The following INPP5F variants were observed in gnomAD, a reference collection of about 807,000 sequenced individuals.
INPP5F encodes the protein phosphatidylinositide 4-phosphatase SAC2.
INPP5F carries 97 observed loss-of-function variants against 137.2 expected under a neutral mutation model. The observed-to-expected ratio is 0.71, with a 90% CI of 0.60 to 0.84. The LOEUF (loss-of-function observed/expected upper bound fraction) is 0.84, where lower values mean the gene tolerates loss of function less well. Ranked by LOEUF, INPP5F falls within the 40% of genes least tolerant of loss-of-function variation. The pLI, the probability that INPP5F is intolerant of heterozygous loss-of-function variation, is 0.00. For missense variants in INPP5F, 1,271 were observed against 1,371.9 expected (o/e 0.93, Z 1.16); for synonymous variants, 504 against 476.9 (o/e 1.06, Z -0.74).
chr10:119,751,551 G>A (rs1012024817), intron 2 of INPP5F, among the ~76,000 whole-genome samples: 3 of 152,146 alleles, frequency 2.0e-5, no homozygotes, highest in Non-Finnish European at 2.9e-5. Context: ...TGCCAGAGAC[G>A]AGTATGGGTC....
chr10:119,736,570 A>G (rs936402313), intron 1 of INPP5F, among the ~76,000 whole-genome samples: 2 of 152,220 alleles, frequency 1.3e-5, no homozygotes, highest in Admixed American at 6.5e-5. Flanking sequence ...AGGTCCTCCT[A>G]GGCTGAAATG....
chr10:119,757,838 A>G (rs969820522), intron 2 of INPP5F, among the ~76,000 whole-genome samples: 14 of 152,184 alleles, frequency 9.2e-5, no homozygotes, highest in African/African-American at 3.4e-4. Context: ...GTAATTACAT[A>G]TTAATTTTTT....
chr10:119,784,090 G>A (rs1201259874), intron 3 of INPP5F, among the ~76,000 whole-genome samples: 3 of 152,310 alleles, frequency 2.0e-5, no homozygotes, highest in Admixed American at 2.0e-4. Flanking sequence ...ACCACATGTT[G>A]AAAATCACAA....
chr10:119,811,896 A>G lies in INPP5F; in HGVS notation c.1827A>G (p.Leu609=), dbSNP rs773187395. 72 of 1,614,100 alleles carry G rather than the reference A, an allele frequency of 4.5e-5. 1 individual carries two copies. Among genetic ancestry groups the G allele is most frequent in the Non-Finnish European group, 4.2e-6 (5 of 1,180,038 alleles). ...ISQLLQSYMK[L]LLPDDEKFHG... ...AGCTCTTACAAAGTTACATGAAGTT[A>G]CTACTGCCTGATGATGAGAAGTTCC... The change falls in exon 15 of 20, where the codon TTA becomes TTG. Residue 609 remains leucine, a synonymous_variant. Transcript: ENST00000650623.
chr10:119,810,706 AT>A (rs1850998133), intron 14 of INPP5F, among the ~76,000 whole-genome samples: 2 of 152,116 alleles, frequency 1.3e-5, no homozygotes, highest in Admixed American at 1.3e-4. Flanking sequence ...CCAACTCATC[AT>A]TTTTTTGGAA....
intron 12 of INPP5F, among the ~76,000 whole-genome samples, chr10:119,806,773 C>G (rs1850808597): frequency 6.6e-6 from 1 of 151,584 alleles, no homozygotes; most frequent in Non-Finnish European, 1.5e-5. Flanking sequence ...CAAGCCCACC[C>G]TTCTGTGTTT....
At chr10:119,772,799 A>T (rs774866881) in intron 2 of INPP5F, among the ~76,000 whole-genome samples, 1 of 151,950 alleles carries the variant, frequency 6.6e-6, no homozygotes. Flanking sequence ...GCTGGAGTGC[A>T]GTGGCGCAAT....
At chr10:119,820,965 G>T in intron 16 of INPP5F, 48 bp downstream of exon 16, 2 of 1,200,080 alleles carry the variant, frequency 1.7e-6, no homozygotes, top group South Asian at 1.2e-5. Flanking sequence ...TTTTAAACTT[G>T]AGTAAATTTT....
At chr10:119,797,277 C>G (rs1564837698) in intron 7 of INPP5F, among the ~76,000 whole-genome samples, 184 bp from the exon 8 acceptor site, 1 of 152,162 alleles carries the variant, frequency 6.6e-6, no homozygotes, top group Non-Finnish European at 1.5e-5. Context: ...TGAGCTTCAA[C>G]TTGTTAAAAA....
At chr10:119,749,315 T>C (rs1268021259) in intron 1 of INPP5F, among the ~76,000 whole-genome samples, 2 of 152,238 alleles carry the variant, frequency 1.3e-5, no homozygotes, top group African/African-American at 4.8e-5. Context: ...GCTGGCTCCA[T>C]GGAGGGCGCA....
chr10:119,794,298 G>A (rs1850248318), intron 6 of INPP5F, among the ~76,000 whole-genome samples: 1 of 152,108 alleles, frequency 6.6e-6, no homozygotes, highest in African/African-American at 2.4e-5. Context: ...AACCCTGAGT[G>A]GATACAGCAC....
At chr10:119,821,963 G>A (rs1851586201) in intron 16 of INPP5F, among the ~76,000 whole-genome samples, 1 of 148,528 alleles carries the variant, frequency 6.7e-6, no homozygotes, top group Admixed American at 6.7e-5. Context: ...CCGCCTCTCG[G>A]GTTCAAGTGA....
chr10:119,793,913 G>C (rs1221452290), intron 6 of INPP5F, among the ~76,000 whole-genome samples: 1 of 152,188 alleles, frequency 6.6e-6, no homozygotes, highest in Non-Finnish European at 1.5e-5. Context: ...CTAAAGTGCT[G>C]GGATTACAGG....
chr10:119,757,360 G>A (rs1848878727), intron 2 of INPP5F, among the ~76,000 whole-genome samples: 1 of 151,756 alleles, frequency 6.6e-6, no homozygotes, highest in Admixed American at 6.6e-5. Flanking sequence ...GAGCCACCAT[G>A]CCCGACCGAG....
chr10:119,736,335 ATT>A (rs1292460634), intron 1 of INPP5F, among the ~76,000 whole-genome samples: 1 of 152,132 alleles, frequency 6.6e-6, no homozygotes, highest in East Asian at 1.9e-4. Context: ...TGACTTTTCT[ATT>A]TTTTAAATAA....
At chr10:119,732,692 G>T (rs1848116731) in intron 1 of INPP5F, among the ~76,000 whole-genome samples, 1 of 151,474 alleles carries the variant, frequency 6.6e-6, no homozygotes, top group South Asian at 2.1e-4. Context: ...GTAGAGACGG[G>T]GTTTCGCCGT....
chr10:119,797,363 C>A (rs963361889), intron 7 of INPP5F, 98 bp from the exon 8 acceptor site: 1 of 960,914 alleles, frequency 1.0e-6, no homozygotes, highest in Non-Finnish European at 1.5e-6. Context: ...ATCCCCAAGG[C>A]TATCCTGGAA....
At chr10:119,821,196 G>T (rs910955526) in intron 16 of INPP5F, among the ~76,000 whole-genome samples, 1 of 152,126 alleles carries the variant, frequency 6.6e-6, no homozygotes, top group Non-Finnish European at 1.5e-5. Context: ...CCCAGGTTTT[G>T]ATGTATTCCA....
rs1380887160 is a variant in INPP5F, at chr10:119,796,914, G to T, written c.868+1G>T. The T allele has an allele frequency of 2.5e-6, 4 of 1,612,880 alleles. No individual in the cohort carries two copies. The highest frequency in any genetic ancestry group is 3.4e-6 in the Non-Finnish European group (4 of 1,178,888). ...TCACGCCGAAGTAGGCACAGAGCAG[G>T]TGAGTGGAGGGCTGTAATAGCATTC... On this transcript the variant is annotated splice_donor_variant, in intron 7 of 19. Transcript: ENST00000650623. LOFTEE classifies it high-confidence loss of function.
Sources: gnomAD v4.1 joint callset for allele counts (sites outside exome capture counted in the v4.1 genomes callset) on GRCh38, gnomAD v4.1.1 for gene constraint, MANE v1.5 for transcripts, NCBI Gene and HGNC (gene_info 2026-07-23, HGNC 2026-07-21) for gene names.